The following ABLIM1 variants were observed in gnomAD, a reference collection of about 807,000 sequenced individuals.
ABLIM1 encodes the protein actin binding LIM protein 1, also known as actin-binding LIM protein 1.
Under a neutral mutation model 107.0 loss-of-function variants are expected in ABLIM1, and 40 were observed. The observed-to-expected ratio is 0.37, with a 90% confidence interval of 0.29 to 0.49. ABLIM1 has a LOEUF of 0.49. Ranked by LOEUF, ABLIM1 falls within the 20% of genes least tolerant of loss-of-function variation. ABLIM1 has a pLI of 0.97. For synonymous variants in ABLIM1, 357 were observed against 357.3 expected (o/e 1.00, Z 0.01); for missense variants, 857 against 1,008.5 (o/e 0.85, Z 2.04).
chr10:114,593,218 G>A (rs920704533), intron 2 of ABLIM1, among the ~76,000 whole-genome samples: 5 of 152,144 alleles, frequency 3.3e-5, no homozygotes, highest in African/African-American at 1.2e-4. Context: ...TGATAAAGCT[G>A]GGTGAACTTC....
intron 1 of ABLIM1, among the ~76,000 whole-genome samples, chr10:114,675,531 C>G (rs371033836): frequency 6.6e-6 from 1 of 152,192 alleles, no homozygotes; most frequent in East Asian, 1.9e-4. Flanking sequence ...AAATGTGAGT[C>G]CATTAAACCT....
At chr10:114,759,152 A>T (rs2142554877) in intron 1 of ABLIM1, among the ~76,000 whole-genome samples, 1 of 152,334 alleles carries the variant, frequency 6.6e-6, no homozygotes, top group Middle Eastern at 3.4e-3. Context: ...TTATAGGTTC[A>T]TCAACTAAAT....
intron 1 of ABLIM1, among the ~76,000 whole-genome samples, chr10:114,703,218 TCTTA>T (rs2081341378): frequency 6.6e-6 from 1 of 152,220 alleles, no homozygotes; most frequent in Non-Finnish European, 1.5e-5. Flanking sequence ...CCCTTCATAC[TCTTA>T]CAGACATCCT....
chr10:114,684,500 C>CGGT, exon 1 of ABLIM1: 1 of 1,426,708 alleles, frequency 7.0e-7, no homozygotes, highest in African/African-American at 1.4e-5. Flanking sequence ...GGTGTGCCAC[C>CGGT]GGTGGGTGTG....
At chr10:114,468,879 G>C (rs1168742217) in intron 10 of ABLIM1, among the ~76,000 whole-genome samples, 1 of 151,606 alleles carries the variant, frequency 6.6e-6, no homozygotes, top group Non-Finnish European at 1.5e-5. Flanking sequence ...GTGAAACCCC[G>C]TCTCTACTAA....
chr10:114,674,980 C>T (rs7916231), intron 1 of ABLIM1, among the ~76,000 whole-genome samples: 3,996 of 152,188 alleles, frequency 0.026, 147 homozygotes, highest in African/African-American at 0.084. Context: ...TATGAGCACA[C>T]GGCTCTTTCC....
intron 1 of ABLIM1, among the ~76,000 whole-genome samples, chr10:114,723,025 C>T (rs1166410659): frequency 2.6e-5 from 4 of 152,194 alleles, no homozygotes; most frequent in Admixed American, 6.5e-5. Context: ...ACCAGTAAAC[C>T]AGGAATTCCT....
At chr10:114,735,321 T>C (rs987725967) in intron 1 of ABLIM1, among the ~76,000 whole-genome samples, 11 of 152,200 alleles carry the variant, frequency 7.2e-5, no homozygotes, top group African/African-American at 2.7e-4. Context: ...CGAGTACAGA[T>C]AGGCCTCTAG....
At chr10:114,458,791 T>C (rs967319127) in intron 12 of ABLIM1, among the ~76,000 whole-genome samples, 1 of 152,224 alleles carries the variant, frequency 6.6e-6, no homozygotes, top group Non-Finnish European at 1.5e-5. Context: ...GAATGTCATG[T>C]CTAGCAGTAT....
At chr10:114,462,068 T>A (rs1023921014) in intron 12 of ABLIM1, among the ~76,000 whole-genome samples, 1 of 152,212 alleles carries the variant, frequency 6.6e-6, no homozygotes, top group African/African-American at 2.4e-5. Flanking sequence ...CCTTTTAGGA[T>A]TCAGCCGCTC....
At position 114,647,209 on chromosome 10, in the gene ABLIM1, GAC is replaced by G. The variant is rs1566171829; in HGVS notation, c.244+10746_244+10747del. Among the ~76,000 whole-genome samples, 246 of 151,910 alleles carry G rather than the reference GAC, an allele frequency of 1.6e-3. 1 individual carries two copies. The highest frequency in any genetic ancestry group is 5.9e-3 in the African/African-American group (244 of 41,234). ...GACAGGGTTTCACCATGTTGGGCCA[GAC>G]TGGTCTTGAACTGCTGACCTCAGGT... On this transcript the variant is annotated intron_variant, in intron 1 of 22. Transcript: ENST00000533213.
intron 1 of ABLIM1, among the ~76,000 whole-genome samples, chr10:114,645,325 T>C (rs1296770130): frequency 1.3e-5 from 2 of 152,112 alleles, no homozygotes; most frequent in African/African-American, 4.8e-5. Context: ...CTCTTAGACT[T>C]CCCAATGGAT....
chr10:114,497,660 C>T (rs1456786439), intron 6 of ABLIM1, among the ~76,000 whole-genome samples: 4 of 102,158 alleles, frequency 3.9e-5, no homozygotes, highest in African/African-American at 1.6e-4. Flanking sequence ...CCAGCCTGGG[C>T]AACAGAGCCG....
chr10:114,645,888 T>A (rs982025260), intron 1 of ABLIM1, among the ~76,000 whole-genome samples: 2 of 152,248 alleles, frequency 1.3e-5, no homozygotes, highest in African/African-American at 2.4e-5. Flanking sequence ...TACCAAGCTC[T>A]ATAAAAATGA....
the ABLIM1 span, among the ~76,000 whole-genome samples, chr10:114,789,236 C>T: frequency 1.3e-5 from 2 of 151,608 alleles, no homozygotes; most frequent in Non-Finnish European, 2.9e-5. Flanking sequence ...GCCTGGGCGA[C>T]GGAACAAGAC....
At chr10:114,773,301 G>T in the ABLIM1 span, among the ~76,000 whole-genome samples, 1 of 152,044 alleles carries the variant, frequency 6.6e-6, no homozygotes, top group Non-Finnish European at 1.5e-5. Context: ...ACAAAGATAA[G>T]ATCTAAAAAG....
chr10:114,661,374 G>C (rs1325341196), upstream of ABLIM1, among the ~76,000 whole-genome samples: 2 of 152,190 alleles, frequency 1.3e-5, no homozygotes, highest in Non-Finnish European at 2.9e-5. Context: ...CACTCCCCAA[G>C]TGCTCAGAGC....
chr10:114,467,313 G>C (rs2065388137), intron 11 of ABLIM1, among the ~76,000 whole-genome samples: 1 of 152,188 alleles, frequency 6.6e-6, no homozygotes, highest in Admixed American at 6.5e-5. Flanking sequence ...AGAGTTGAAA[G>C]AGTACAAAGA....
chr10:114,559,507 C>A (rs7894443), intron 4 of ABLIM1, among the ~76,000 whole-genome samples: 11,496 of 150,120 alleles, frequency 0.077, 751 homozygotes, highest in African/African-American at 0.17. Flanking sequence ...TGACTTCCAA[C>A]CTTCATGAGT....
Sources: gnomAD v4.1 joint callset for allele counts (sites outside exome capture counted in the v4.1 genomes callset) on GRCh38, gnomAD v4.1.1 for gene constraint, MANE v1.5 for transcripts, NCBI Gene and HGNC (gene_info 2026-07-23, HGNC 2026-07-21) for gene names.